TNRC6C: variants seen among roughly 807,000 people sequenced by gnomAD.
The protein encoded by TNRC6C is trinucleotide repeat-containing gene 6C protein.
Under a neutral mutation model 153.7 loss-of-function variants are expected in TNRC6C, and 20 were observed. That is an observed-to-expected ratio of 0.13 (90% CI 0.09 to 0.19). The LOEUF (loss-of-function observed/expected upper bound fraction) is 0.19. TNRC6C is among the 10% of genes least tolerant of loss of function. TNRC6C has a pLI of 1.00. For synonymous variants in TNRC6C, 811 were observed against 841.4 expected (o/e 0.96, Z 0.63); for missense variants, 1,987 against 2,172.0 (o/e 0.91, Z 1.69).
At chr17:77,959,466 A>G (rs1320597168) in intron 1 of TNRC6C, among the ~76,000 whole-genome samples, 198 bp downstream of exon 1, 1 of 151,994 alleles carries the variant, frequency 6.6e-6, no homozygotes. Context: ...TGCTAGTGTG[A>G]GACGGGGCTG....
At chr17:78,078,571 C>T (rs2073123398) in intron 9 of TNRC6C, among the ~76,000 whole-genome samples, 1 of 152,146 alleles carries the variant, frequency 6.6e-6, no homozygotes, top group Non-Finnish European at 1.5e-5. Context: ...GTATATTTTT[C>T]AAATAACCAT....
chr17:78,051,082 A>G (rs768967875), exon 3 of TNRC6C: 2 of 1,603,320 alleles, frequency 1.2e-6, no homozygotes, highest in South Asian at 1.1e-5. Flanking sequence ...ACCCCAAGAC[A>G]ACAATGTGAG....
chr17:78,077,164 A>T, intron 8 of TNRC6C, 21 bp from the exon 11 acceptor site: 1 of 1,594,202 alleles, frequency 6.3e-7, no homozygotes, highest in Non-Finnish European at 8.5e-7. Flanking sequence ...CACACAGCTC[A>T]CCCTTTCTTT....
intron 1 of TNRC6C, among the ~76,000 whole-genome samples, chr17:77,979,911 G>A (rs904976144): frequency 5.3e-5 from 8 of 152,132 alleles, no homozygotes; most frequent in Admixed American, 3.3e-4. Flanking sequence ...ACAGTGGAAC[G>A]ATATCTTCAA....
intron 3 of TNRC6C, among the ~76,000 whole-genome samples, chr17:78,055,135 C>T (rs1029001040): frequency 6.6e-6 from 1 of 152,218 alleles, no homozygotes; most frequent in Non-Finnish European, 1.5e-5. Context: ...TTAAAAGATA[C>T]TTTCTTCAGT....
chr17:78,103,809 T>C (rs1441981451), intron 19 of TNRC6C, among the ~76,000 whole-genome samples: 1 of 152,346 alleles, frequency 6.6e-6, no homozygotes, highest in East Asian at 1.9e-4. Context: ...TCTTTGTGCA[T>C]GTCTGTGCCG....
intron 16 of TNRC6C, among the ~76,000 whole-genome samples, chr17:78,094,183 T>C (rs2073442308): frequency 6.6e-6 from 1 of 152,154 alleles, no homozygotes; most frequent in Non-Finnish European, 1.5e-5. Flanking sequence ...GGTTTTGCCA[T>C]GTTGGCCAGG....
At chr17:78,034,682 G>A (rs962540337) in intron 2 of TNRC6C, among the ~76,000 whole-genome samples, 1 of 152,158 alleles carries the variant, frequency 6.6e-6, no homozygotes, top group African/African-American at 2.4e-5. Flanking sequence ...TGAAGAAAAT[G>A]TTTGAGGTCG....
chr17:78,024,262 C>T (rs1314993164), intron 1 of TNRC6C, among the ~76,000 whole-genome samples: 1 of 152,080 alleles, frequency 6.6e-6, no homozygotes, highest in African/African-American at 2.4e-5. Flanking sequence ...GGAAAGTTTG[C>T]TATTGTGAAA....
At chr17:77,966,633 A>G (rs539561001) in intron 1 of TNRC6C, among the ~76,000 whole-genome samples, 2 of 152,318 alleles carry the variant, frequency 1.3e-5, no homozygotes, top group Admixed American at 1.3e-4. Flanking sequence ...GACACACAAG[A>G]TAGTAGTTTT....
chr17:78,064,215 C>T (rs186446014), intron 3 of TNRC6C, among the ~76,000 whole-genome samples: 24 of 152,050 alleles, frequency 1.6e-4, no homozygotes, highest in Non-Finnish European at 2.9e-4. Flanking sequence ...CCTGCCTCAG[C>T]CTCCCCAATA....
intron 1 of TNRC6C, among the ~76,000 whole-genome samples, chr17:78,014,015 T>C (rs2071683821): frequency 6.6e-6 from 1 of 152,202 alleles, no homozygotes; most frequent in South Asian, 2.1e-4. Flanking sequence ...TCTTACTAAA[T>C]GTTGGAGTAG....
upstream of TNRC6C, among the ~76,000 whole-genome samples, chr17:77,958,613 G>C (rs931377054): frequency 3.3e-5 from 5 of 152,054 alleles, no homozygotes; most frequent in Non-Finnish European, 5.9e-5. Context: ...GCTAGGGGCC[G>C]GGACGACTTC....
At chr17:78,011,498 G>T (rs1313301234) in intron 1 of TNRC6C, among the ~76,000 whole-genome samples, 1 of 152,244 alleles carries the variant, frequency 6.6e-6, no homozygotes, top group East Asian at 1.9e-4. Flanking sequence ...CCATGCTGTA[G>T]TGTGTATCAG....
At chr17:77,998,015 TA>T (rs1001844191) in intron 1 of TNRC6C, among the ~76,000 whole-genome samples, 1 of 152,222 alleles carries the variant, frequency 6.6e-6, no homozygotes, top group Admixed American at 6.5e-5. Flanking sequence ...TCACTTTTTT[TA>T]AAGTTTATTT....
chr17:78,004,315 C>CTCATTTGCATCA, upstream of TNRC6C: 1 of 1,231,584 alleles, frequency 8.1e-7, no homozygotes, highest in African/African-American at 1.5e-5. Flanking sequence ...CATTGTGTGT[C>CTCATTTGCATCA]TCATTTGCAT....
chr17:77,967,002 AGATTCCTTAAACTTAAGG>A (rs2070902053), intron 1 of TNRC6C, among the ~76,000 whole-genome samples: 1 of 152,310 alleles, frequency 6.6e-6, no homozygotes. Context: ...TAAACTTAAG[AGATTCCTTAAACTTAAGG>A]AATAATAGAT....
intron 2 of TNRC6C, among the ~76,000 whole-genome samples, chr17:78,048,235 A>AT (rs2072448248): frequency 6.6e-6 from 1 of 152,188 alleles, no homozygotes; most frequent in African/African-American, 2.4e-5. Flanking sequence ...TATACAGCTA[A>AT]TTAAACATTT....
chr17:78,059,693 A>G (rs892712018), intron 3 of TNRC6C, among the ~76,000 whole-genome samples: 1 of 152,050 alleles, frequency 6.6e-6, no homozygotes, highest in African/African-American at 2.4e-5. Flanking sequence ...TACAAAAAAT[A>G]CAAAAATTAG....
Sources: gnomAD v4.1 joint callset for allele counts (sites outside exome capture counted in the v4.1 genomes callset) on GRCh38, gnomAD v4.1.1 for gene constraint, MANE v1.5 for transcripts, NCBI Gene and HGNC (gene_info 2026-07-23, HGNC 2026-07-21) for gene names.